MECOM: variants seen among roughly 807,000 people sequenced by gnomAD.
MECOM encodes the protein histone-lysine N-methyltransferase MECOM.
A neutral mutation model predicts 116.3 loss-of-function variants in MECOM; 13 were observed. The ratio of observed to expected loss-of-function variants is 0.11; its 90% confidence interval spans 0.07 to 0.18. The LOEUF (loss-of-function observed/expected upper bound fraction) is 0.18, where lower values mean the gene tolerates loss of function less well. MECOM is among the 10% of genes least tolerant of loss of function. MECOM has a pLI of 1.00. For synonymous variants in MECOM, 528 were observed against 535.2 expected (o/e 0.99, Z 0.19); for missense variants, 1,299 against 1,509.0 (o/e 0.86, Z 2.31).
At chr3:169,624,411 T>C (rs1771104781) in intron 1 of MECOM, among the ~76,000 whole-genome samples, 1 of 152,168 alleles carries the variant, frequency 6.6e-6, no homozygotes, top group African/African-American at 2.4e-5. Flanking sequence ...TGTGCAGCCT[T>C]CTAGAATATA....
intron 2 of MECOM, among the ~76,000 whole-genome samples, chr3:169,358,390 A>T (rs186271144): frequency 5.9e-4 from 90 of 151,770 alleles, no homozygotes; most frequent in Non-Finnish European, 1.1e-3. Flanking sequence ...CATTTTTTAA[A>T]ACTTAGATAG....
At chr3:169,279,203 T>G (rs1012408584) in intron 2 of MECOM, among the ~76,000 whole-genome samples, 1 of 152,162 alleles carries the variant, frequency 6.6e-6, no homozygotes, top group African/African-American at 2.4e-5. Flanking sequence ...TAAACCAGGA[T>G]CTTCACAACT....
chr3:169,477,377 T>A (rs1750650462), intron 1 of MECOM, among the ~76,000 whole-genome samples: 1 of 151,612 alleles, frequency 6.6e-6, no homozygotes, highest in Non-Finnish European at 1.5e-5. Context: ...AATCTTGGAG[T>A]AAACACAAAC....
intron 14 of MECOM, among the ~76,000 whole-genome samples, chr3:169,091,035 A>G (rs1169596986): frequency 6.6e-6 from 1 of 152,134 alleles, no homozygotes; most frequent in African/African-American, 2.4e-5. Flanking sequence ...CCATTTGACC[A>G]GAAAAAGTCA....
chr3:169,180,383 G>A (rs570308545), intron 2 of MECOM, among the ~76,000 whole-genome samples: 68 of 152,190 alleles, frequency 4.5e-4, no homozygotes, highest in African/African-American at 1.6e-3. Context: ...CACACTATGT[G>A]TAGTATACAA....
chr3:169,235,024 T>C (rs1246931949), intron 2 of MECOM, among the ~76,000 whole-genome samples: 1 of 152,166 alleles, frequency 6.6e-6, no homozygotes, highest in Non-Finnish European at 1.5e-5. Flanking sequence ...TTGAAAAAAT[T>C]TATGGGCGTG....
intron 1 of MECOM, among the ~76,000 whole-genome samples, chr3:169,592,028 A>G (rs1275391746): frequency 2.6e-5 from 4 of 152,164 alleles, no homozygotes; most frequent in Admixed American, 2.6e-4. Context: ...TCAGAAGGAG[A>G]GAACACAGAA....
intron 1 of MECOM, among the ~76,000 whole-genome samples, chr3:169,660,556 A>G (rs891409352): frequency 1.3e-5 from 2 of 152,202 alleles, no homozygotes; most frequent in Admixed American, 1.3e-4. Flanking sequence ...CAAAAAGAAC[A>G]ACAAGCTACC....
chr3:169,414,117 C>A (rs781327445), intron 1 of MECOM, among the ~76,000 whole-genome samples: 9 of 152,192 alleles, frequency 5.9e-5, no homozygotes, highest in Non-Finnish European at 1.3e-4. Flanking sequence ...CAGGGGTCAA[C>A]AGACAACTCA....
chr3:169,261,061 T>G (rs755672394), intron 2 of MECOM, among the ~76,000 whole-genome samples: 46 of 152,338 alleles, frequency 3.0e-4, no homozygotes, highest in Non-Finnish European at 5.6e-4. Flanking sequence ...ATCCCCTTCA[T>G]GATCGTGGTT....
At chr3:169,466,365 T>A (rs185867805) in intron 1 of MECOM, among the ~76,000 whole-genome samples, 2 of 152,320 alleles carry the variant, frequency 1.3e-5, no homozygotes, top group East Asian at 1.9e-4. Context: ...GGCTCTGCGC[T>A]GTGCTTGGCT....
chr3:169,305,840 G>GT (rs796996071), intron 2 of MECOM, among the ~76,000 whole-genome samples: 2,478 of 146,812 alleles, frequency 0.017, 70 homozygotes, highest in African/African-American at 0.058. Context: ...TTGTGTAAAG[G>GT]TTTTTTTTTT....
rs35807490 is a variant in MECOM at position 169,454,390 on chromosome 3, G to GAAA, written c.38-72869_38-72867dup. Among the ~76,000 whole-genome samples, 673 of 111,672 alleles carry GAAA rather than the reference G, an allele frequency of 6.0e-3. 18 individuals carry two copies. The highest frequency in any genetic ancestry group is 0.034 in the Admixed American group (360 of 10,514). The allele number at this position is 111,672 out of a possible 152,430, so 73.3% of individuals were successfully genotyped here. A position where few individuals can be genotyped will look rare whatever the true frequency, so the allele number is the denominator to read the frequency against. On this transcript the variant is annotated intron_variant, in intron 1 of 16. Coordinates refer to ENST00000651503, the MANE Select transcript of MECOM (RefSeq NM_004991.4). The stretch of plus-strand genomic sequence containing the variant: ...TGGTAATGTAGCAACTTTCTTTCAG[G>GAAA]AAAAAAAAAAAAAAAAAAAGCCCTT...
At chr3:169,588,961 GT>G (rs886741524) in intron 1 of MECOM, among the ~76,000 whole-genome samples, 6 of 152,000 alleles carry the variant, frequency 3.9e-5, no homozygotes, top group African/African-American at 1.2e-4. Flanking sequence ...AATACATAGG[GT>G]TTTTTTCTTG....
chr3:169,444,014 C>T (rs770766072), intron 1 of MECOM, among the ~76,000 whole-genome samples: 10 of 152,226 alleles, frequency 6.6e-5, no homozygotes, highest in African/African-American at 9.7e-5. Flanking sequence ...ATAAGTTTCT[C>T]GTAACTGCAT....
chr3:169,097,181 G>A (rs1000944016), intron 12 of MECOM, among the ~76,000 whole-genome samples: 3 of 151,848 alleles, frequency 2.0e-5, no homozygotes, highest in Non-Finnish European at 2.9e-5. Flanking sequence ...CAAATCATGA[G>A]GAAGAGAGAT....
In MECOM at chr3:169,512,557, C is replaced by T. The variant is rs116640580; in HGVS notation, c.38-131033G>A. Among the ~76,000 whole-genome samples, 907 of 152,372 alleles carry T rather than the reference C, an allele frequency of 6.0e-3. 12 individuals carry two copies. Among genetic ancestry groups the T allele is most frequent in the African/African-American group, 0.021 (859 of 41,590 alleles). ...CAATATTTACTTCAGAGGGTCCTTT[C>T]TCAGCCCTAGCTACTTCCCCATAGT... On this transcript the variant is annotated intron_variant, in intron 1 of 16. Coordinates refer to ENST00000651503, the MANE Select transcript of MECOM (RefSeq NM_004991.4).
intron 1 of MECOM, chr3:169,467,087 A>G (rs1748433191): frequency 6.6e-6 from 1 of 152,226 alleles, no homozygotes; most frequent in Admixed American, 6.5e-5. Context: ...AGATATCGTG[A>G]AAACAACTTA....
chr3:169,507,693 G>A (rs533721792), intron 1 of MECOM, among the ~76,000 whole-genome samples: 1 of 68,684 alleles, frequency 1.5e-5, no homozygotes, highest in East Asian at 3.8e-4. Flanking sequence ...ATGGAGTCTC[G>A]CTCTTTCGCC....
Sources: gnomAD v4.1 joint callset for allele counts (sites outside exome capture counted in the v4.1 genomes callset) on GRCh38, gnomAD v4.1.1 for gene constraint, MANE v1.5 for transcripts, NCBI Gene and HGNC (gene_info 2026-07-23, HGNC 2026-07-21) for gene names.